Variants in CCSER1 observed in about 807,000 individuals in gnomAD.
CCSER1 encodes the protein serine-rich coiled-coil domain-containing protein 1.
Under a neutral mutation model 82.0 loss-of-function variants are expected in CCSER1, and 41 were observed. The observed-to-expected ratio is 0.50, with a 90% confidence interval of 0.39 to 0.65. The LOEUF (loss-of-function observed/expected upper bound fraction) is 0.65. Among genes scored for constraint, CCSER1 ranks in the 30% least tolerant of loss-of-function variants. The pLI, the probability that CCSER1 is intolerant of heterozygous loss-of-function variation, is 0.00. For missense variants in CCSER1, 1,119 were observed against 1,064.2 expected, an observed-to-expected ratio of 1.05 and a Z score of -0.72; for synonymous variants, 414 against 383.9, an observed-to-expected ratio of 1.08 and a Z score of -0.92.
chr4:90,391,485 TACACACACACAGTGGGTAA>T (rs1282390614), intron 3 of CCSER1, among the ~76,000 whole-genome samples: 7 of 76,622 alleles, frequency 9.1e-5, no homozygotes, highest in South Asian at 8.0e-4. Context: ...TATATATATA[TACACACACACAGTGGGTAA>T]ATATATATAT....
chr4:90,334,330 A>G (rs1455231077), intron 3 of CCSER1, among the ~76,000 whole-genome samples: 2 of 152,074 alleles, frequency 1.3e-5, no homozygotes, highest in African/African-American at 4.8e-5. Context: ...GATTGGTTTT[A>G]AGCAGGAAAG....
At chr4:91,433,323 T>A (rs139117904) in intron 10 of CCSER1, among the ~76,000 whole-genome samples, 1 of 152,252 alleles carries the variant, frequency 6.6e-6, no homozygotes, top group Non-Finnish European at 1.5e-5. Flanking sequence ...CATCATAACG[T>A]CATAGCACAA....
intron 10 of CCSER1, among the ~76,000 whole-genome samples, chr4:91,261,684 T>G (rs1741144063): frequency 6.6e-6 from 1 of 151,996 alleles, no homozygotes; most frequent in African/African-American, 2.4e-5. Flanking sequence ...AAAACTGTAG[T>G]GTCTTATCAC....
intron 5 of CCSER1, among the ~76,000 whole-genome samples, chr4:90,557,048 T>C (rs1176708646): frequency 6.6e-6 from 1 of 151,970 alleles, no homozygotes; most frequent in African/African-American, 2.4e-5. Flanking sequence ...ATATATGCTC[T>C]GTTTATTTTC....
intron 10 of CCSER1, among the ~76,000 whole-genome samples, chr4:91,419,975 C>T (rs1399722466): frequency 1.3e-5 from 2 of 151,954 alleles, no homozygotes; most frequent in Non-Finnish European, 1.5e-5. Flanking sequence ...AATAACTAAT[C>T]TTGGGAAAAC....
chr4:90,161,828 G>A (rs1729511240), intron 1 of CCSER1, among the ~76,000 whole-genome samples: 1 of 152,074 alleles, frequency 6.6e-6, no homozygotes, highest in Non-Finnish European at 1.5e-5. Context: ...TGCAATTATA[G>A]CAGATAGATG....
intron 1 of CCSER1, among the ~76,000 whole-genome samples, chr4:90,256,891 A>G (rs1723397972): frequency 6.6e-6 from 1 of 152,094 alleles, no homozygotes; most frequent in Non-Finnish European, 1.5e-5. Context: ...CTTTTATTAC[A>G]GTATATTGCT....
intron 3 of CCSER1, among the ~76,000 whole-genome samples, chr4:90,365,817 T>C (rs934874751): frequency 3.9e-5 from 6 of 151,902 alleles, no homozygotes; most frequent in Admixed American, 2.6e-4. Context: ...TCATAATCGA[T>C]AAGTGAGCAA....
intron 10 of CCSER1, among the ~76,000 whole-genome samples, chr4:91,550,859 CTA>C (rs1762128495): frequency 6.6e-6 from 1 of 152,108 alleles, no homozygotes; most frequent in Non-Finnish European, 1.5e-5. Context: ...ATCTCCAGTT[CTA>C]TGATTTTACA....
intron 5 of CCSER1, among the ~76,000 whole-genome samples, chr4:90,493,253 A>G (rs557533159): frequency 1.3e-5 from 2 of 152,306 alleles, no homozygotes; most frequent in East Asian, 3.9e-4. Context: ...TCCAAGAAAT[A>G]TGGAACTATG....
At chr4:90,650,242 CAGAA>C (rs1560883561) in intron 6 of CCSER1, among the ~76,000 whole-genome samples, 2 of 149,304 alleles carry the variant, frequency 1.3e-5, no homozygotes, top group African/African-American at 5.0e-5. Flanking sequence ...AACAAACAAA[CAGAA>C]AGAAAAGAAA....
At chr4:91,038,500 C>T (rs1335267764) in intron 9 of CCSER1, among the ~76,000 whole-genome samples, 1 of 152,098 alleles carries the variant, frequency 6.6e-6, no homozygotes, top group South Asian at 2.1e-4. Flanking sequence ...CCCTTGGTTT[C>T]AGAGGTGGTT....
At chr4:90,347,800 T>TG (rs2153508484) in intron 3 of CCSER1, among the ~76,000 whole-genome samples, 1 of 151,818 alleles carries the variant, frequency 6.6e-6, no homozygotes, top group Non-Finnish European at 1.5e-5. Context: ...TAGAAGAAAA[T>TG]GTTCAGTTGA....
At chr4:91,217,001 T>C (rs903007689) in intron 10 of CCSER1, among the ~76,000 whole-genome samples, 2 of 152,144 alleles carry the variant, frequency 1.3e-5, no homozygotes, top group African/African-American at 4.8e-5. Flanking sequence ...CCGCGGACCC[T>C]CGCGGTGAGT....
At chr4:90,963,648 C>A (rs1349886598) in intron 9 of CCSER1, among the ~76,000 whole-genome samples, 2 of 151,918 alleles carry the variant, frequency 1.3e-5, no homozygotes, top group African/African-American at 4.8e-5. Flanking sequence ...CAGCCATCTG[C>A]ATCCATTGGA....
chr4:91,497,197 T>C (rs1758969847), intron 10 of CCSER1, among the ~76,000 whole-genome samples: 1 of 151,540 alleles, frequency 6.6e-6, no homozygotes, highest in East Asian at 1.9e-4. Flanking sequence ...GTTCCTCCTA[T>C]AAATTATGAT....
At chr4:90,425,723 A>G (rs957002447) in intron 4 of CCSER1, among the ~76,000 whole-genome samples, 20 of 152,304 alleles carry the variant, frequency 1.3e-4, no homozygotes, top group African/African-American at 3.9e-4. Flanking sequence ...TTAAAAGTCA[A>G]TATTACCCAT....
intron 1 of CCSER1, among the ~76,000 whole-genome samples, chr4:90,264,221 G>A (rs11935964): frequency 0.045 from 6,881 of 152,092 alleles, 392 homozygotes; most frequent in African/African-American, 0.14. Flanking sequence ...GTCCCAATTT[G>A]TAAATGGCTT....
chr4:90,798,071 C>T (rs985867264), intron 7 of CCSER1, among the ~76,000 whole-genome samples: 1 of 152,128 alleles, frequency 6.6e-6, no homozygotes, highest in Admixed American at 6.6e-5. Flanking sequence ...TTTATGTTTT[C>T]CAAGTTGGCT....
Sources: gnomAD v4.1 joint callset for allele counts (sites outside exome capture counted in the v4.1 genomes callset) on GRCh38, gnomAD v4.1.1 for gene constraint, MANE v1.5 for transcripts, NCBI Gene and HGNC (gene_info 2026-07-23, HGNC 2026-07-21) for gene names.